HPSE2: variants seen among roughly 807,000 people sequenced by gnomAD.
HPSE2 encodes the protein inactive heparanase-2.
Under a neutral mutation model 60.5 loss-of-function variants are expected in HPSE2, and 38 were observed. The ratio of observed to expected loss-of-function variants is 0.63; its 90% CI spans 0.48 to 0.82. The LOEUF (loss-of-function observed/expected upper bound fraction) is 0.82, where lower values mean the gene tolerates loss of function less well. Ranked by LOEUF, HPSE2 falls within the 40% of genes least tolerant of loss-of-function variation. HPSE2 has a pLI of 0.00. For missense variants in HPSE2, 713 were observed against 740.4 expected (o/e 0.96, Z 0.43); for synonymous variants, 295 against 293.2 (o/e 1.01, Z -0.06).
intron 3 of HPSE2, among the ~76,000 whole-genome samples, chr10:98,747,640 C>T (rs1949660635): frequency 6.6e-6 from 1 of 152,164 alleles, no homozygotes. Context: ...TAAGTCCTGC[C>T]TCTTCCATGA....
intron 5 of HPSE2, among the ~76,000 whole-genome samples, chr10:98,702,152 G>T (rs756810135): frequency 1.3e-5 from 2 of 152,214 alleles, no homozygotes; most frequent in South Asian, 2.1e-4. Context: ...AAAAGCAGGG[G>T]TTGCAATCCT....
chr10:99,218,196 A>G (rs988600438), intron 2 of HPSE2, among the ~76,000 whole-genome samples: 1 of 151,670 alleles, frequency 6.6e-6, no homozygotes, highest in African/African-American at 2.4e-5. Flanking sequence ...TGCCACAGTC[A>G]AAGAACACAT....
chr10:98,753,285 G>A (rs1932729), intron 3 of HPSE2, among the ~76,000 whole-genome samples: 9 of 151,988 alleles, frequency 5.9e-5, no homozygotes, highest in East Asian at 1.9e-4. Context: ...AAATTGGAAC[G>A]CTTTGCATTG....
intron 3 of HPSE2, among the ~76,000 whole-genome samples, chr10:98,964,149 C>G (rs1313975503): frequency 6.6e-6 from 1 of 152,012 alleles, no homozygotes; most frequent in Non-Finnish European, 1.5e-5. Context: ...TCACTACTGC[C>G]CTCTTGAATT....
At chr10:99,008,469 T>C (rs1956939820) in intron 3 of HPSE2, among the ~76,000 whole-genome samples, 2 of 152,236 alleles carry the variant, frequency 1.3e-5, no homozygotes, top group South Asian at 4.1e-4. Context: ...CTTGTAGGCT[T>C]GTTTCTAGAC....
chr10:99,146,678 C>T (rs1403404429), intron 2 of HPSE2, among the ~76,000 whole-genome samples: 3 of 152,096 alleles, frequency 2.0e-5, no homozygotes, highest in Middle Eastern at 3.4e-3. Context: ...CCTGGCAACA[C>T]GGTGAAACCC....
At chr10:99,311,545 A>T in the HPSE2 span, among the ~76,000 whole-genome samples, 1 of 152,170 alleles carries the variant, frequency 6.6e-6, no homozygotes, top group Non-Finnish European at 1.5e-5. Flanking sequence ...TAAGATGACA[A>T]ACTTAACCAA....
In HPSE2 at chr10:98,964,664, C is replaced by T. The variant is rs72836773; in HGVS notation, c.610+179574G>A. 1.5e-3 allele frequency among the ~76,000 whole-genome samples: 224 copies of T among 152,186 alleles called. 1 individual carries two copies. The highest frequency in any genetic ancestry group is 3.3e-3 in the Admixed American group (51 of 15,290). On this transcript the variant is annotated intron_variant, in intron 3 of 11. Coordinates refer to ENST00000370552, the MANE Select transcript of HPSE2 (RefSeq NM_021828.5). ...TCTGCTCTTGTATCTATCAAAAGTTCCTAATCCTTCATATGCATTCAAGAT... is the reference window on the plus strand; with the variant it reads ...TCTGCTCTTGTATCTATCAAAAGTTTCTAATCCTTCATATGCATTCAAGAT...
intron 3 of HPSE2, among the ~76,000 whole-genome samples, chr10:99,138,810 G>A (rs1845759071): frequency 6.6e-6 from 1 of 152,132 alleles, no homozygotes; most frequent in African/African-American, 2.4e-5. Context: ...GTTGATGGGT[G>A]GAGCAAGCCG....
In HPSE2 at chr10:98,770,401, G is replaced by A. The variant is rs549926254; in HGVS notation, c.611-26345C>T. Among the ~76,000 whole-genome samples, 8 of 152,286 alleles carry A rather than the reference G, an allele frequency of 5.3e-5. No homozygotes were observed. The South Asian group carries it at 1.2e-3, about 24-fold the overall frequency. On this transcript the variant is annotated intron_variant, in intron 3 of 11. Transcript: ENST00000370552. The stretch of plus-strand genomic sequence containing the variant: ...ATGCACCACTCACATCTGCCACAGG[G>A]AGCATAACTGATTAATGGTTCTAGC...
At chr10:99,218,058 C>T (rs1292237070) in intron 2 of HPSE2, among the ~76,000 whole-genome samples, 1 of 151,948 alleles carries the variant, frequency 6.6e-6, no homozygotes, top group Non-Finnish European at 1.5e-5. Flanking sequence ...GTACTTGTAA[C>T]ATTTAAGTGA....
At chr10:99,299,141 C>G in the HPSE2 span, among the ~76,000 whole-genome samples, 1 of 152,130 alleles carries the variant, frequency 6.6e-6, no homozygotes, top group African/African-American at 2.4e-5. Flanking sequence ...GGAGCCTCCC[C>G]CCTCCCCTAG....
chr10:98,706,116 G>C (rs1213132087), intron 5 of HPSE2, among the ~76,000 whole-genome samples: 5 of 151,980 alleles, frequency 3.3e-5, no homozygotes, highest in Non-Finnish European at 7.4e-5. Flanking sequence ...GGAGTTGTGA[G>C]ATTATGAGAC....
At chr10:98,969,744 C>A (rs1163783414) in intron 3 of HPSE2, among the ~76,000 whole-genome samples, 1 of 152,110 alleles carries the variant, frequency 6.6e-6, no homozygotes, top group African/African-American at 2.4e-5. Context: ...TTAGGCCATT[C>A]TTGCATTGCT....
intron 9 of HPSE2, among the ~76,000 whole-genome samples, chr10:98,529,543 C>A (rs562503793): frequency 6.6e-6 from 1 of 152,242 alleles, no homozygotes; most frequent in South Asian, 2.1e-4. Context: ...ACCTCACATG[C>A]CCTCAACTCT....
At chr10:98,724,860 C>G (rs1463221544) in intron 4 of HPSE2, among the ~76,000 whole-genome samples, 1 of 151,918 alleles carries the variant, frequency 6.6e-6, no homozygotes, top group African/African-American at 2.4e-5. Flanking sequence ...AAACAGAGAG[C>G]CAAATCATGA....
chr10:98,684,223 G>A (rs773015676), intron 6 of HPSE2, among the ~76,000 whole-genome samples: 1 of 152,118 alleles, frequency 6.6e-6, no homozygotes, highest in African/African-American at 2.4e-5. Context: ...CAGGACAACA[G>A]CTGTTCAGGA....
chr10:98,751,168 C>T (rs748231595), intron 3 of HPSE2, among the ~76,000 whole-genome samples: 1 of 152,072 alleles, frequency 6.6e-6, no homozygotes, highest in Non-Finnish European at 1.5e-5. Flanking sequence ...ACTTTCCCTC[C>T]ATTATTTGAC....
intron 8 of HPSE2, among the ~76,000 whole-genome samples, chr10:98,618,992 C>T (rs1283351261): frequency 2.6e-5 from 4 of 152,202 alleles, no homozygotes; most frequent in Non-Finnish European, 5.9e-5. Flanking sequence ...ACGTTAGATG[C>T]TGAGGACACA....
Sources: gnomAD v4.1 joint callset for allele counts (sites outside exome capture counted in the v4.1 genomes callset) on GRCh38, gnomAD v4.1.1 for gene constraint, MANE v1.5 for transcripts, NCBI Gene and HGNC (gene_info 2026-07-23, HGNC 2026-07-21) for gene names.